GPC5: variants seen among roughly 807,000 people sequenced by gnomAD.
GPC5 encodes glypican 5.
Under a neutral mutation model 53.9 loss-of-function variants are expected in GPC5, and 47 were observed. The observed-to-expected ratio is 0.87, with a 90% CI of 0.69 to 1.11. The LOEUF is 1.11. GPC5 is among the 50% of genes most tolerant of loss of function. The pLI, the probability that GPC5 is intolerant of heterozygous loss-of-function variation, is 0.00. For synonymous variants in GPC5, 286 were observed against 263.3 expected, an observed-to-expected ratio of 1.09 and a Z score of -0.84; for missense variants, 748 against 713.1, an observed-to-expected ratio of 1.05 and a Z score of -0.56.
At chr13:92,039,893 C>T (rs761606299) in intron 6 of GPC5, among the ~76,000 whole-genome samples, 3 of 152,172 alleles carry the variant, frequency 2.0e-5, no homozygotes, top group Non-Finnish European at 4.4e-5. Flanking sequence ...AATACAGTCA[C>T]ATTTTGAGGT....
chr13:91,495,798 G>A lies in GPC5; in HGVS notation c.325+46876G>A, dbSNP rs950591161. Among the ~76,000 whole-genome samples the A allele has an allele frequency of 2.6e-4, 40 of 152,214 alleles. 1 individual carries two copies. Among genetic ancestry groups the A allele is most frequent in the Non-Finnish European group, 4.6e-4 (31 of 68,022 alleles). On this transcript the variant is annotated intron_variant, in intron 2 of 7. Coordinates refer to ENST00000377067, the MANE Select transcript of GPC5 (RefSeq NM_004466.6). ...AGCACTTTGGGAGGCCGAGGCGGGTGGATCACCTGAGGTCAAGAGTTAGAG... is the reference window on the plus strand; with the variant it reads ...AGCACTTTGGGAGGCCGAGGCGGGTAGATCACCTGAGGTCAAGAGTTAGAG...
chr13:91,455,211 T>C (rs1021386511), intron 2 of GPC5, among the ~76,000 whole-genome samples: 1 of 152,082 alleles, frequency 6.6e-6, no homozygotes, highest in African/African-American at 2.4e-5. Context: ...TTCTCCAGGG[T>C]TCACACATAG....
intron 7 of GPC5, among the ~76,000 whole-genome samples, chr13:92,229,216 T>C (rs1235214943): frequency 6.6e-6 from 1 of 152,134 alleles, no homozygotes; most frequent in Admixed American, 6.5e-5. Context: ...CTGGAATTTC[T>C]TTTTTAAAAA....
intron 7 of GPC5, among the ~76,000 whole-genome samples, chr13:92,571,160 G>T (rs566313034): frequency 3.3e-4 from 50 of 152,222 alleles, no homozygotes; most frequent in African/African-American, 1.2e-3. Flanking sequence ...CTGAAAATTT[G>T]GGAGGAGCAT....
At chr13:91,547,629 C>G (rs977094839) in intron 2 of GPC5, among the ~76,000 whole-genome samples, 3 of 152,066 alleles carry the variant, frequency 2.0e-5, no homozygotes, top group African/African-American at 7.2e-5. Flanking sequence ...GGAAATACTT[C>G]TTCATTCTAT....
rs5805694 is a variant in GPC5 at position 91,451,620 on chromosome 13, GT to G, written c.325+2709del. Reference sequence around the variant, plus strand: ...TCTAGGACAACTCTTCTGTTTGTTTGTTTTTTTTTTTCCCCGAGGTGGAGTC... The same window carrying G: ...TCTAGGACAACTCTTCTGTTTGTTTGTTTTTTTTTTCCCCGAGGTGGAGTC... On this transcript the variant is annotated intron_variant, in intron 2 of 7. Coordinates refer to ENST00000377067, the MANE Select transcript of GPC5 (RefSeq NM_004466.6). Among the ~76,000 whole-genome samples the G allele has an allele frequency of 6.5e-4, 96 of 148,228 alleles. 1 individual carries two copies. The South Asian group carries it at 0.02, about 30-fold the overall frequency.
At chr13:92,563,950 C>T (rs1184717385) in intron 7 of GPC5, among the ~76,000 whole-genome samples, 2 of 151,408 alleles carry the variant, frequency 1.3e-5, no homozygotes, top group African/African-American at 4.9e-5. Context: ...CCATTAATTA[C>T]TCATCAACGT....
At chr13:91,631,720 T>A (rs1277485654) in intron 2 of GPC5, among the ~76,000 whole-genome samples, 1 of 152,050 alleles carries the variant, frequency 6.6e-6, no homozygotes, top group Non-Finnish European at 1.5e-5. Flanking sequence ...AGAAATTAGT[T>A]GTTTATGGAC....
chr13:92,163,650 A>G (rs1370188883), intron 7 of GPC5, among the ~76,000 whole-genome samples: 3 of 152,102 alleles, frequency 2.0e-5, no homozygotes, highest in Non-Finnish European at 2.9e-5. Flanking sequence ...CACTAGCTAC[A>G]CCTACTGTTC....
intron 7 of GPC5, among the ~76,000 whole-genome samples, chr13:92,167,264 A>T (rs114915196): frequency 0.013 from 1,909 of 152,272 alleles, 33 homozygotes; most frequent in African/African-American, 0.044. Flanking sequence ...TCCATGATCA[A>T]TATTTACAAC....
chr13:91,457,615 G>T (rs573125608), intron 2 of GPC5, among the ~76,000 whole-genome samples: 6 of 152,204 alleles, frequency 3.9e-5, no homozygotes, highest in Admixed American at 3.9e-4. Flanking sequence ...ATGGAAGTGC[G>T]TATGTAGTTT....
At chr13:92,722,670 T>C (rs1249354553) in intron 7 of GPC5, among the ~76,000 whole-genome samples, 1 of 151,818 alleles carries the variant, frequency 6.6e-6, no homozygotes, top group Admixed American at 6.6e-5. Context: ...CTTAATGGGA[T>C]ATAGGCAGGT....
In GPC5 at chr13:92,249,642, G is replaced by T. The variant is rs9560996; in HGVS notation, c.1561+104653G>T. On this transcript the variant is annotated intron_variant, in intron 7 of 7. Coordinates refer to ENST00000377067, the MANE Select transcript of GPC5 (RefSeq NM_004466.6). ...CTGAGTCTGACTGAAAATTTTTAGTGGGGGGGTTGATGGCATGCTCAATGG... is the reference window on the plus strand; with the variant it reads ...CTGAGTCTGACTGAAAATTTTTAGTTGGGGGGTTGATGGCATGCTCAATGG... 5.1e-3 allele frequency among the ~76,000 whole-genome samples: 779 copies of T among 152,116 alleles called. 11 individuals are homozygous for T. The highest frequency in any genetic ancestry group is 0.04 in the South Asian group (191 of 4,820).
chr13:92,580,549 A>G (rs896217901), intron 7 of GPC5, among the ~76,000 whole-genome samples: 5 of 152,190 alleles, frequency 3.3e-5, no homozygotes, highest in African/African-American at 1.2e-4. Flanking sequence ...AAATAAGTTG[A>G]AATAGCTCAG....
intron 2 of GPC5, among the ~76,000 whole-genome samples, chr13:91,506,836 T>G (rs1884970689): frequency 1.3e-5 from 2 of 152,158 alleles, no homozygotes; most frequent in African/African-American, 4.8e-5. Context: ...GTTTTCCTGC[T>G]TAATAATTTG....
At chr13:91,732,178 C>T (rs2036714167) in intron 4 of GPC5, among the ~76,000 whole-genome samples, 1 of 152,208 alleles carries the variant, frequency 6.6e-6, no homozygotes, top group South Asian at 2.1e-4. Context: ...TATTTCTCCA[C>T]AGCCTCTCCA....
chr13:91,399,662 C>A (rs1876777197), intron 1 of GPC5, among the ~76,000 whole-genome samples: 1 of 152,150 alleles, frequency 6.6e-6, no homozygotes, highest in South Asian at 2.1e-4. Context: ...CTGCGATATA[C>A]CCCTTTGCTG....
In GPC5 at chr13:92,866,556, T is replaced by A. The variant is rs1006703916; in HGVS notation, c.*117T>A. 2 of 861,274 alleles carry A rather than the reference T, an allele frequency of 2.3e-6. No individual in the cohort carries two copies. The highest frequency in any genetic ancestry group is 3.5e-5 in the African/African-American group (2 of 57,694). 53.4% of individuals were successfully genotyped at this position (861,274 alleles called of 1,614,324 possible). A position where few individuals can be genotyped will look rare whatever the true frequency, so the allele number is the denominator to read the frequency against. On this transcript the variant is annotated 3_prime_UTR_variant, in exon 8 of 8. Transcript: ENST00000377067. The stretch of plus-strand genomic sequence containing the variant: ...CAATTATATTTATGAAAAGATATGT[T>A]ACACTAACTTCTCAGAAGCCAAGCT...
At chr13:92,266,604 G>A (rs1267316539) in intron 7 of GPC5, among the ~76,000 whole-genome samples, 1 of 152,038 alleles carries the variant, frequency 6.6e-6, no homozygotes, top group Non-Finnish European at 1.5e-5. Context: ...TGGAAGCTAT[G>A]TATATTATCT....
Sources: gnomAD v4.1 joint callset for allele counts (sites outside exome capture counted in the v4.1 genomes callset) on GRCh38, gnomAD v4.1.1 for gene constraint, MANE v1.5 for transcripts, NCBI Gene and HGNC (gene_info 2026-07-23, HGNC 2026-07-21) for gene names.